Variants in TRAT1 observed in about 807,000 individuals in gnomAD.
TRAT1 encodes the protein T cell receptor associated transmembrane adaptor 1.
A neutral mutation model predicts 20.0 loss-of-function variants in TRAT1; 20 were observed. The ratio of observed to expected loss-of-function variants is 1.00; its 90% CI spans 0.70 to 1.45. The LOEUF (loss-of-function observed/expected upper bound fraction) is 1.45, where lower values mean the gene tolerates loss of function less well. Ranked by LOEUF, TRAT1 falls within the 40% of genes most tolerant of loss-of-function variation. The pLI is 0.00. For missense variants in TRAT1, 237 were observed against 224.1 expected (o/e 1.06, Z -0.37); for synonymous variants, 77 against 74.2 (o/e 1.04, Z -0.20).
intron 3 of TRAT1, 82 bp from the exon 4 acceptor site, chr3:108,846,986 A>T: frequency 1.0e-6 from 1 of 965,234 alleles, no homozygotes; most frequent in Non-Finnish European, 1.6e-6. Flanking sequence ...AGTTCACTTA[A>T]TATTGAATTT....
Position 108,849,305 on chromosome 3 carries a change from T to G in TRAT1, c.303+51T>G, listed in dbSNP as rs766539883. ...TTTGCACATTTCAAGAGCATAAGAGTAGTACATTATGATACACATCTGAAA... is the reference window on the plus strand; with the variant it reads ...TTTGCACATTTCAAGAGCATAAGAGGAGTACATTATGATACACATCTGAAA... On this transcript the variant is annotated intron_variant, in intron 5 of 5. Coordinates refer to ENST00000295756, the MANE Select transcript of TRAT1 (RefSeq NM_016388.4). 5 of 1,457,184 alleles carry G rather than the reference T, an allele frequency of 3.4e-6. No individual in the cohort carries two copies. In the East Asian group the frequency reaches 6.8e-5, roughly 20 times the overall value. The allele number at this position is 1,457,184 out of a possible 1,614,324, so 90.3% of individuals were successfully genotyped here. A position where few individuals can be genotyped will look rare whatever the true frequency, so the allele number is the denominator to read the frequency against.
At chr3:108,828,059 C>T (rs2107506235) in intron 1 of TRAT1, among the ~76,000 whole-genome samples, 1 of 152,052 alleles carries the variant, frequency 6.6e-6, no homozygotes. Flanking sequence ...ATAATTTTGT[C>T]CAAATGATTG....
At chr3:108,832,342 T>G (rs1945802275) in intron 2 of TRAT1, among the ~76,000 whole-genome samples, 1 of 152,190 alleles carries the variant, frequency 6.6e-6, no homozygotes, top group East Asian at 1.9e-4. Context: ...AAGGTGAAAT[T>G]TATGACAAGC....
intron 2 of TRAT1, among the ~76,000 whole-genome samples, chr3:108,836,750 C>T (rs2107510256): frequency 6.6e-6 from 1 of 152,270 alleles, no homozygotes; most frequent in African/African-American, 2.4e-5. Context: ...ATTATTGTCC[C>T]TACTTCATGG....
intron 2 of TRAT1, among the ~76,000 whole-genome samples, chr3:108,838,600 C>A (rs1240150158): frequency 6.6e-6 from 1 of 152,164 alleles, no homozygotes; most frequent in Non-Finnish European, 1.5e-5. Context: ...GGTTCCAGCT[C>A]TCTCTGCTTA....
chr3:108,834,901 C>G (rs1401724060), intron 2 of TRAT1, among the ~76,000 whole-genome samples: 1 of 152,120 alleles, frequency 6.6e-6, no homozygotes, highest in Admixed American at 6.6e-5. Flanking sequence ...TAAAATAAAT[C>G]CTTCATTTTT....
chr3:108,840,496 C>A (rs1027348480), intron 3 of TRAT1, among the ~76,000 whole-genome samples: 4 of 151,194 alleles, frequency 2.6e-5, no homozygotes, highest in Non-Finnish European at 5.9e-5. Context: ...TGGTAAAATA[C>A]CTGCCTCAAA....
chr3:108,852,624 A>C lies in TRAT1; in HGVS notation c.304-996A>C, dbSNP rs567870523. Among the ~76,000 whole-genome samples the C allele has an allele frequency of 9.6e-4, 146 of 152,278 alleles. 1 individual carries two copies. The highest frequency in any genetic ancestry group is 7.0e-4 in the African/African-American group (29 of 41,550). ...CTTAAAGAGTAATGCTTAATACATAAATCTTTGGTTTGTTCAATGGCTGTC... is the reference window on the plus strand; with the variant it reads ...CTTAAAGAGTAATGCTTAATACATACATCTTTGGTTTGTTCAATGGCTGTC... On this transcript the variant is annotated intron_variant, in intron 5 of 5. Transcript: ENST00000295756.
At chr3:108,837,328 T>C (rs1945849559) in intron 2 of TRAT1, among the ~76,000 whole-genome samples, 1 of 152,228 alleles carries the variant, frequency 6.6e-6, no homozygotes, top group Non-Finnish European at 1.5e-5. Flanking sequence ...TTAGTGCATA[T>C]GCTCCGCAAA....
chr3:108,848,062 T>C lies in TRAT1; in HGVS notation c.214+933T>C, dbSNP rs1945964197. Among the ~76,000 whole-genome samples the C allele has an allele frequency of 2.0e-5, 3 of 152,220 alleles. No individual in the cohort carries two copies. In the South Asian group the frequency reaches 6.2e-4, roughly 32 times the overall value. ...GAAATATATTATTCAAAATAATTTG[T>C]CCCCATTTCACTTTGGAGAATCATG... On this transcript the variant is annotated intron_variant, in intron 4 of 5. Coordinates refer to ENST00000295756, the MANE Select transcript of TRAT1 (RefSeq NM_016388.4).
chr3:108,853,539 G>C, intron 5 of TRAT1, 81 bp from the exon 6 acceptor site: 1 of 1,509,526 alleles, frequency 6.6e-7, no homozygotes, highest in South Asian at 1.3e-5. Flanking sequence ...AAGTTACTTG[G>C]TTTTCATACG....
intron 2 of TRAT1, among the ~76,000 whole-genome samples, chr3:108,837,769 T>G (rs1945853172): frequency 6.6e-6 from 1 of 152,178 alleles, no homozygotes; most frequent in Admixed American, 6.5e-5. Context: ...GTGCTGTATG[T>G]GTGCATCTAG....
intron 2 of TRAT1, among the ~76,000 whole-genome samples, chr3:108,831,753 G>C (rs1945796605): frequency 6.6e-6 from 1 of 152,018 alleles, no homozygotes; most frequent in South Asian, 2.1e-4. Flanking sequence ...ATGTTGCCCA[G>C]GCTGATCCTG....
chr3:108,839,189 G>A, intron 3 of TRAT1: 4 of 522,416 alleles, frequency 7.7e-6, no homozygotes, highest in East Asian at 3.4e-5. Flanking sequence ...GCTGGTTGAA[G>A]GATAAAATGA....
intron 2 of TRAT1, among the ~76,000 whole-genome samples, chr3:108,834,164 C>T (rs1281310791): frequency 6.6e-6 from 1 of 152,130 alleles, no homozygotes; most frequent in Non-Finnish European, 1.5e-5. Context: ...ACATTCAGGT[C>T]CATTTCAGAG....
At chr3:108,828,545 G>C (rs1196822142) in intron 1 of TRAT1, among the ~76,000 whole-genome samples, 1 of 152,120 alleles carries the variant, frequency 6.6e-6, no homozygotes, top group Non-Finnish European at 1.5e-5. Context: ...AAATGTACCA[G>C]TTCTTAAGGA....
intron 3 of TRAT1, among the ~76,000 whole-genome samples, chr3:108,846,782 C>T (rs945946927): frequency 6.6e-6 from 1 of 152,136 alleles, no homozygotes; most frequent in Non-Finnish European, 1.5e-5. Context: ...GAAATATACT[C>T]GATGTAGCGC....
intron 3 of TRAT1, among the ~76,000 whole-genome samples, chr3:108,841,129 G>C (rs777777434): frequency 2.6e-5 from 4 of 152,214 alleles, no homozygotes; most frequent in African/African-American, 4.8e-5. Flanking sequence ...AGTGAGAAAA[G>C]AAGGACCAGT....
At chr3:108,830,622 A>T (rs75187832) in intron 1 of TRAT1, 48 bp from the exon 2 acceptor site, 2 of 1,288,146 alleles carry the variant, frequency 1.6e-6, no homozygotes, top group East Asian at 4.6e-5. Flanking sequence ...ACCAAAACAA[A>T]TGGGTAAGCA....
Sources: gnomAD v4.1 joint callset for allele counts (sites outside exome capture counted in the v4.1 genomes callset) on GRCh38, gnomAD v4.1.1 for gene constraint, MANE v1.5 for transcripts, NCBI Gene and HGNC (gene_info 2026-07-23, HGNC 2026-07-21) for gene names.